CHRM3: variants seen among roughly 807,000 people sequenced by gnomAD.
CHRM3 encodes the protein cholinergic receptor muscarinic 3.
Under a neutral mutation model 41.8 loss-of-function variants are expected in CHRM3, and 11 were observed. The ratio of observed to expected loss-of-function variants is 0.26; its 90% CI spans 0.17 to 0.44. The LOEUF is 0.44. Ranked by LOEUF, CHRM3 falls within the 20% of genes least tolerant of loss-of-function variation. CHRM3 has a pLI of 1.00. For missense variants in CHRM3, 571 were observed against 745.4 expected (o/e 0.77, Z 2.72); for synonymous variants, 297 against 301.4 (o/e 0.99, Z 0.15).
chr1:239,679,389 A>G (rs6694162), intron 5 of CHRM3, among the ~76,000 whole-genome samples: 7,342 of 152,152 alleles, frequency 0.048, 564 homozygotes, highest in African/African-American at 0.17. Flanking sequence ...TGTGAGCTCA[A>G]GACCTAACTC....
chr1:239,482,207 C>A (rs1473971882), intron 1 of CHRM3, among the ~76,000 whole-genome samples: 1 of 152,150 alleles, frequency 6.6e-6, no homozygotes, highest in Admixed American at 6.5e-5. Flanking sequence ...CACCCACATG[C>A]TTTTATGAGC....
At chr1:239,686,106 G>T (rs566434108) in intron 5 of CHRM3, among the ~76,000 whole-genome samples, 125 of 152,252 alleles carry the variant, frequency 8.2e-4, no homozygotes, top group African/African-American at 2.8e-3. Context: ...TCTCCTTCAT[G>T]ATCTTTCTAC....
intron 2 of CHRM3, among the ~76,000 whole-genome samples, chr1:239,497,813 A>G (rs1404526673): frequency 6.6e-6 from 1 of 152,236 alleles, no homozygotes; most frequent in Non-Finnish European, 1.5e-5. Flanking sequence ...ACAGGCAGCA[A>G]CAAATCGGAG....
chr1:239,552,877 A>G (rs1202745544), intron 3 of CHRM3, among the ~76,000 whole-genome samples: 1 of 151,936 alleles, frequency 6.6e-6, no homozygotes, highest in Non-Finnish European at 1.5e-5. Context: ...TCTCCATTTT[A>G]TGCATTCGAA....
intron 6 of CHRM3, among the ~76,000 whole-genome samples, chr1:239,874,540 G>A (rs1159552574): frequency 1.3e-5 from 2 of 151,094 alleles, no homozygotes; most frequent in African/African-American, 2.4e-5. Flanking sequence ...AGGGGTTGTG[G>A]ATCCGATCCC....
chr1:239,514,919 C>T (rs1669157680), intron 2 of CHRM3, among the ~76,000 whole-genome samples: 1 of 152,088 alleles, frequency 6.6e-6, no homozygotes, highest in Non-Finnish European at 1.5e-5. Flanking sequence ...ATTTGAAGGA[C>T]TCTCTCAATG....
At chr1:239,867,000 C>A (rs1676167166) in intron 6 of CHRM3, among the ~76,000 whole-genome samples, 1 of 152,200 alleles carries the variant, frequency 6.6e-6, no homozygotes, top group Admixed American at 6.5e-5. Context: ...CGTGGTAGAA[C>A]CACACTCCAA....
intron 6 of CHRM3, among the ~76,000 whole-genome samples, chr1:239,830,721 T>A (rs1672829084): frequency 6.6e-6 from 1 of 152,018 alleles, no homozygotes. Context: ...AAAACCAAAG[T>A]TGCTTACAAG....
At chr1:239,849,958 A>T (rs1267504733) in intron 6 of CHRM3, among the ~76,000 whole-genome samples, 2 of 152,166 alleles carry the variant, frequency 1.3e-5, no homozygotes, top group Admixed American at 6.6e-5. Context: ...CCTTTGTTAT[A>T]CATGGAACAT....
At chr1:239,428,361 A>G (rs1662564142) in intron 1 of CHRM3, among the ~76,000 whole-genome samples, 1 of 152,240 alleles carries the variant, frequency 6.6e-6, no homozygotes, top group African/African-American at 2.4e-5. Context: ...AGTTGAGTAG[A>G]TATTTCAGAG....
At chr1:239,422,541 A>G (rs1004245632) in intron 1 of CHRM3, among the ~76,000 whole-genome samples, 5 of 152,160 alleles carry the variant, frequency 3.3e-5, no homozygotes, top group Non-Finnish European at 7.3e-5. Flanking sequence ...CATGCCTGTA[A>G]TCCCAGCACT....
At chr1:239,627,792 G>A (rs1232244183) in intron 3 of CHRM3, among the ~76,000 whole-genome samples, 2 of 147,018 alleles carry the variant, frequency 1.4e-5, no homozygotes, top group East Asian at 4.0e-4. Context: ...GAAATTCTGG[G>A]TTGAAAATTC....
chr1:239,865,945 G>A (rs1000373123), intron 6 of CHRM3, among the ~76,000 whole-genome samples: 1 of 152,150 alleles, frequency 6.6e-6, no homozygotes, highest in Non-Finnish European at 1.5e-5. Context: ...CAGGGAAAGA[G>A]CACTTGCCTC....
chr1:239,569,297 T>C (rs1487423888), intron 3 of CHRM3, among the ~76,000 whole-genome samples: 2 of 152,180 alleles, frequency 1.3e-5, no homozygotes, highest in Non-Finnish European at 2.9e-5. Context: ...CAATGACAGA[T>C]AAAGCTTTCA....
intron 5 of CHRM3, among the ~76,000 whole-genome samples, chr1:239,749,311 C>T (rs560156154): frequency 1.3e-5 from 2 of 152,082 alleles, no homozygotes; most frequent in African/African-American, 4.8e-5. Context: ...TCAGATAAGC[C>T]CTACGGTGGG....
At chr1:239,507,688 T>G (rs1668667038) in intron 2 of CHRM3, among the ~76,000 whole-genome samples, 1 of 152,218 alleles carries the variant, frequency 6.6e-6, no homozygotes, top group Admixed American at 6.5e-5. Flanking sequence ...TTTATGTGAA[T>G]AGACTAAAAC....
chr1:239,887,595 T>C (rs1447230027), intron 6 of CHRM3, among the ~76,000 whole-genome samples: 1 of 152,226 alleles, frequency 6.6e-6, no homozygotes, highest in Non-Finnish European at 1.5e-5. Context: ...CTGGGCAAGT[T>C]GAATTTCCTT....
In CHRM3 at chr1:239,537,700, G is replaced by T. The variant is rs1373317169; in HGVS notation, c.-421-7941G>T. Among the ~76,000 whole-genome samples the T allele has an allele frequency of 2.0e-5, 3 of 152,078 alleles. No individual in the cohort carries two copies. The South Asian group carries it at 6.2e-4, about 32-fold the overall frequency. ...GAATAGCTCTCCAATACAGAATTTTGCTCTTATGGTCACTTAGTTCCCAAA... is the reference window on the plus strand; with the variant it reads ...GAATAGCTCTCCAATACAGAATTTTTCTCTTATGGTCACTTAGTTCCCAAA... On this transcript the variant is annotated intron_variant, in intron 2 of 6. Coordinates refer to ENST00000676153, the MANE Select transcript of CHRM3 (RefSeq NM_001375978.1).
intron 5 of CHRM3, among the ~76,000 whole-genome samples, chr1:239,761,355 T>A (rs1353343262): frequency 6.6e-6 from 1 of 152,228 alleles, no homozygotes; most frequent in African/African-American, 2.4e-5. Flanking sequence ...TGATATCGTC[T>A]ATGTCATGTC....
Sources: allele counts gnomAD v4.1 joint callset (sites outside exome capture counted in the v4.1 genomes callset), GRCh38; gene constraint gnomAD v4.1.1; transcripts MANE v1.5; gene names NCBI Gene and HGNC (gene_info 2026-07-23, HGNC 2026-07-21).